Variants in EML6 observed in about 807,000 individuals in gnomAD.
EML6 encodes EMAP like 6.
In EML6, 154 loss-of-function variants were observed where a neutral mutation model predicts 240.1. That is an observed-to-expected ratio of 0.64 (90% CI 0.56 to 0.73). The LOEUF (loss-of-function observed/expected upper bound fraction) is 0.73. Among genes scored for constraint, EML6 ranks in the 30% least tolerant of loss-of-function variants. EML6 has a pLI of 0.00. For missense variants in EML6, 2,964 were observed against 2,474.6 expected (o/e 1.20, Z -4.20); for synonymous variants, 1,148 against 899.0 (o/e 1.28, Z -4.95).
chr2:54,886,474 T>G (rs1329654729), intron 17 of EML6, among the ~76,000 whole-genome samples: 1 of 152,160 alleles, frequency 6.6e-6, no homozygotes, highest in Non-Finnish European at 1.5e-5. Flanking sequence ...CTGGCCTCTT[T>G]CTTTCTTCTA....
chr2:54,943,934 C>T (rs983664604), intron 28 of EML6, among the ~76,000 whole-genome samples: 2 of 152,110 alleles, frequency 1.3e-5, no homozygotes, highest in South Asian at 2.1e-4. Flanking sequence ...TTGGACAGTG[C>T]GTGTTAGAGA....
At chr2:54,814,830 A>G (rs774439863) in intron 3 of EML6, among the ~76,000 whole-genome samples, 3 of 152,206 alleles carry the variant, frequency 2.0e-5, no homozygotes, top group Non-Finnish European at 2.9e-5. Flanking sequence ...GACCCCTGGA[A>G]TATATGTTCT....
chr2:54,795,277 A>G (rs1669697833), intron 2 of EML6, among the ~76,000 whole-genome samples: 1 of 152,198 alleles, frequency 6.6e-6, no homozygotes, highest in Non-Finnish European at 1.5e-5. Flanking sequence ...GAAGCAGGGC[A>G]TGTCTCACAT....
intron 36 of EML6, among the ~76,000 whole-genome samples, chr2:54,963,332 T>C (rs1676609206): frequency 6.6e-6 from 1 of 152,276 alleles, no homozygotes; most frequent in Non-Finnish European, 1.5e-5. Flanking sequence ...AGTTAGTTTC[T>C]GTAATTATTT....
chr2:54,784,606 T>C (rs1340831881), intron 2 of EML6, among the ~76,000 whole-genome samples: 2 of 152,192 alleles, frequency 1.3e-5, no homozygotes, highest in African/African-American at 2.4e-5. Flanking sequence ...TAACTACTAA[T>C]AGCATGCTGT....
chr2:54,917,352 T>C (rs541928713), intron 26 of EML6, among the ~76,000 whole-genome samples: 2 of 100,830 alleles, frequency 2.0e-5, no homozygotes, highest in South Asian at 3.3e-4. Flanking sequence ...TTCCCTTTTT[T>C]TTTTTGTTTT....
At chr2:54,801,168 A>G (rs1369955045) in intron 2 of EML6, among the ~76,000 whole-genome samples, 1 of 151,930 alleles carries the variant, frequency 6.6e-6, no homozygotes, top group Non-Finnish European at 1.5e-5. Flanking sequence ...AAAATACAAA[A>G]AATCAGCCGG....
intron 2 of EML6, among the ~76,000 whole-genome samples, chr2:54,726,618 T>C (rs1443580354): frequency 6.6e-6 from 1 of 152,196 alleles, no homozygotes; most frequent in East Asian, 1.9e-4. Flanking sequence ...ATGACACAAA[T>C]AGCTTTTTTT....
intron 37 of EML6, 38 bp downstream of exon 37, chr2:54,964,196 C>T: frequency 6.5e-7 from 1 of 1,536,154 alleles, no homozygotes; most frequent in Non-Finnish European, 8.8e-7. Context: ...AGGAGAAAGG[C>T]AAGCATTCTG....
intron 7 of EML6, among the ~76,000 whole-genome samples, chr2:54,843,818 C>G (rs1278755232): frequency 7.4e-6 from 1 of 134,602 alleles, no homozygotes; most frequent in East Asian, 2.2e-4. Context: ...ACTCTATAGT[C>G]TGGGTGACAG....
intron 19 of EML6, among the ~76,000 whole-genome samples, chr2:54,893,026 C>T (rs1213131024): frequency 6.6e-6 from 1 of 152,110 alleles, no homozygotes. Context: ...CTGAAAGTAC[C>T]AAATGGTTAC....
At chr2:54,752,609 T>C (rs554874687) in intron 2 of EML6, among the ~76,000 whole-genome samples, 7 of 152,230 alleles carry the variant, frequency 4.6e-5, no homozygotes, top group Non-Finnish European at 7.3e-5. Flanking sequence ...TTCATGCATG[T>C]TGTAGTAGAT....
intron 2 of EML6, among the ~76,000 whole-genome samples, chr2:54,786,847 T>C (rs778294925): frequency 5.9e-5 from 9 of 152,220 alleles, no homozygotes; most frequent in Non-Finnish European, 8.8e-5. Context: ...AAATATATAC[T>C]GGACAAGTGA....
chr2:54,808,365 C>G (rs759727237), intron 2 of EML6, among the ~76,000 whole-genome samples: 4 of 152,198 alleles, frequency 2.6e-5, no homozygotes, highest in Non-Finnish European at 5.9e-5. Flanking sequence ...ACTCCCCCTT[C>G]AATCCCCAAA....
chr2:54,955,871 CCCTT>C (rs752670148), intron 32 of EML6, among the ~76,000 whole-genome samples: 3 of 152,226 alleles, frequency 2.0e-5, no homozygotes, highest in Non-Finnish European at 4.4e-5. Flanking sequence ...CATTTCTCCT[CCCTT>C]CCTTCTCCAG....
intron 14 of EML6, chr2:54,868,519 A>G (rs746677799): frequency 8.5e-5 from 13 of 152,222 alleles, no homozygotes; most frequent in Non-Finnish European, 1.6e-4. Context: ...GTAAGAATGG[A>G]GGCCATTTTA....
intron 24 of EML6, among the ~76,000 whole-genome samples, chr2:54,904,695 A>G (rs1673226775): frequency 6.6e-6 from 1 of 152,220 alleles, no homozygotes; most frequent in Non-Finnish European, 1.5e-5. Context: ...CAGAACTTTC[A>G]TGCTGAACTG....
chr2:54,922,424 T>A (rs542030289), intron 26 of EML6, among the ~76,000 whole-genome samples: 3 of 152,180 alleles, frequency 2.0e-5, no homozygotes, highest in African/African-American at 7.2e-5. Context: ...AGGGAACCCT[T>A]GTACACTGTT....
intron 8 of EML6, among the ~76,000 whole-genome samples, chr2:54,845,455 C>A (rs543722949): frequency 2.0e-5 from 3 of 152,186 alleles, no homozygotes; most frequent in African/African-American, 4.8e-5. Context: ...CCTTGAGGAG[C>A]CCTGACTGCC....
Sources: gnomAD v4.1 joint callset for allele counts (sites outside exome capture counted in the v4.1 genomes callset) on GRCh38, gnomAD v4.1.1 for gene constraint, MANE v1.5 for transcripts, NCBI Gene and HGNC (gene_info 2026-07-23, HGNC 2026-07-21) for gene names.